The following MYO3A variants were observed in gnomAD, a reference collection of about 807,000 sequenced individuals.
The protein encoded by MYO3A is myosin IIIA, also known as myosin-IIIa.
In MYO3A, 180 loss-of-function variants were observed where a neutral mutation model predicts 192.7. The ratio of observed to expected loss-of-function variants is 0.93; its 90% CI spans 0.83 to 1.06. The LOEUF (loss-of-function observed/expected upper bound fraction) is 1.06. Ranked by LOEUF, MYO3A falls within the 50% of genes least tolerant of loss-of-function variation. The pLI, the probability that MYO3A is intolerant of heterozygous loss-of-function variation, is 0.00. For missense variants in MYO3A, 1,896 were observed against 1,905.0 expected (o/e 1.00, Z 0.09); for synonymous variants, 628 against 645.3 (o/e 0.97, Z 0.41).
At chr10:26,200,044 G>A (rs1231312576) in intron 32 of MYO3A, among the ~76,000 whole-genome samples, 2 of 152,172 alleles carry the variant, frequency 1.3e-5, no homozygotes, top group African/African-American at 2.4e-5. Flanking sequence ...CTTAGCCTAG[G>A]GCATTGGATC....
At chr10:26,198,425 G>A (rs144087064) in intron 32 of MYO3A, among the ~76,000 whole-genome samples, 12 of 152,282 alleles carry the variant, frequency 7.9e-5, no homozygotes, top group African/African-American at 1.2e-4. Context: ...TCAAAAAAAC[G>A]AGTAATCGAA....
At chr10:26,200,554 A>G (rs1005269260) in intron 32 of MYO3A, among the ~76,000 whole-genome samples, 4 of 152,258 alleles carry the variant, frequency 2.6e-5, no homozygotes, top group African/African-American at 9.6e-5. Flanking sequence ...GCTACAGTGC[A>G]AAAGATAATA....
intron 17 of MYO3A, among the ~76,000 whole-genome samples, chr10:26,100,972 ATCTG>A (rs1318878603): frequency 6.6e-6 from 1 of 152,174 alleles, no homozygotes; most frequent in African/African-American, 2.4e-5. Flanking sequence ...TGTCTCATTG[ATCTG>A]TCTAATATTG....
intron 14 of MYO3A, among the ~76,000 whole-genome samples, chr10:26,073,400 A>G (rs904099058): frequency 6.6e-6 from 1 of 152,048 alleles, no homozygotes; most frequent in Non-Finnish European, 1.5e-5. Context: ...AAACTCCGTC[A>G]GTACTAAAAA....
chr10:25,936,983 G>T (rs1193532856), intron 2 of MYO3A, among the ~76,000 whole-genome samples: 2 of 138,148 alleles, frequency 1.4e-5, no homozygotes, highest in Non-Finnish European at 3.2e-5. Flanking sequence ...ATCATGTCTT[G>T]ATAAAAAATG....
chr10:26,040,100 T>G (rs1363197025), intron 10 of MYO3A, among the ~76,000 whole-genome samples: 3 of 152,050 alleles, frequency 2.0e-5, no homozygotes, highest in Non-Finnish European at 4.4e-5. Context: ...TTTCAAGAAT[T>G]TTTTCAATTT....
chr10:26,125,298 A>G (rs1839150787), intron 18 of MYO3A, 100 bp from the exon 19 acceptor site: 1 of 1,015,198 alleles, frequency 9.9e-7, no homozygotes, highest in East Asian at 2.6e-5. Flanking sequence ...CACACATTTA[A>G]TTCATGTCAT....
chr10:26,023,077 T>G (rs1842388334), intron 8 of MYO3A: 1 of 152,138 alleles, frequency 6.6e-6, no homozygotes, highest in African/African-American at 2.4e-5. Context: ...AAAACAACAT[T>G]TCTGGAGAAA....
chr10:26,191,890 G>A (rs1843150233), intron 31 of MYO3A, among the ~76,000 whole-genome samples: 1 of 152,078 alleles, frequency 6.6e-6, no homozygotes, highest in South Asian at 2.1e-4. Flanking sequence ...TGGGGATTAG[G>A]AATCATCACT....
intron 17 of MYO3A, among the ~76,000 whole-genome samples, chr10:26,114,833 C>T (rs1354018260): frequency 6.6e-6 from 1 of 152,120 alleles, no homozygotes; most frequent in Admixed American, 6.5e-5. Flanking sequence ...AAGAAATATA[C>T]ACTAGGCATC....
In MYO3A at chr10:26,174,229, G is replaced by A. The variant is rs1842198815; in HGVS notation, c.3965G>A (p.Gly1322Asp). The change falls in exon 30 of 35, where the codon GGC becomes GAC. Residue 1322 changes from glycine (G) to aspartate (D), a missense_variant. Gly to Asp is a moderately conservative substitution (Grantham distance 94). Coordinates refer to ENST00000642920, the MANE Select transcript of MYO3A (RefSeq NM_017433.5). The stretch of plus-strand genomic sequence containing the variant: ...GCACCGATATGCAGCCAGGAGGAAG[G>A]CAGAGGCCGTCTGAGGCATGAGACA... Reference protein sequence around the residue: ...QRAPICSQEEGRGRLRHETVK... With the variant: ...QRAPICSQEEDRGRLRHETVK... 1 of 1,613,940 alleles carries A rather than the reference G, an allele frequency of 6.2e-7. No individual in the cohort carries two copies. The highest frequency in any genetic ancestry group is 8.5e-7 in the Non-Finnish European group (1 of 1,179,940).
At chr10:25,993,322 G>T (rs1840180007) in intron 4 of MYO3A, among the ~76,000 whole-genome samples, 1 of 152,114 alleles carries the variant, frequency 6.6e-6, no homozygotes, top group Non-Finnish European at 1.5e-5. Flanking sequence ...ATTCTCTGAT[G>T]GTAGTTTGTA....
chr10:26,017,839 T>C (rs1842065993), intron 7 of MYO3A, among the ~76,000 whole-genome samples: 2 of 151,454 alleles, frequency 1.3e-5, no homozygotes, highest in Non-Finnish European at 2.9e-5. Flanking sequence ...AAAAATTGAA[T>C]AGGAGAATCT....
At chr10:25,956,726 G>A (rs1837568188) in intron 4 of MYO3A, among the ~76,000 whole-genome samples, 1 of 151,680 alleles carries the variant, frequency 6.6e-6, no homozygotes, top group African/African-American at 2.4e-5. Context: ...ATTTTTGTAT[G>A]TTTTTTTCTT....
At chr10:25,945,379 A>G (rs1836768991) in intron 2 of MYO3A, among the ~76,000 whole-genome samples, 1 of 151,998 alleles carries the variant, frequency 6.6e-6, no homozygotes, top group Admixed American at 6.5e-5. Context: ...TGTCTGTTAG[A>G]TCCAATTGGT....
At chr10:26,060,878 A>G (rs1486080268) in intron 10 of MYO3A, among the ~76,000 whole-genome samples, 1 of 152,202 alleles carries the variant, frequency 6.6e-6, no homozygotes, top group Non-Finnish European at 1.5e-5. Flanking sequence ...AAACATGGGT[A>G]TTGAATTAAG....
In MYO3A at chr10:26,038,537, C is replaced by T. The variant is rs988541855; in HGVS notation, c.953+12005C>T. Among the ~76,000 whole-genome samples the T allele has an allele frequency of 4.4e-4, 67 of 152,180 alleles. 2 individuals carry two copies. The highest frequency in any genetic ancestry group is 1.9e-4 in the East Asian group (1 of 5,180). On this transcript the variant is annotated intron_variant, in intron 10 of 34. Coordinates refer to ENST00000642920, the MANE Select transcript of MYO3A (RefSeq NM_017433.5). ...TATAGAAATGCTACTGATTTTTGTA[C>T]GCTGATTTTGCACTCTTTACTGATT...
chr10:26,188,327 T>G (rs543556775), intron 31 of MYO3A, among the ~76,000 whole-genome samples: 3 of 152,320 alleles, frequency 2.0e-5, no homozygotes, highest in South Asian at 2.1e-4. Context: ...TCGCCCACTT[T>G]TTGATGGGGT....
chr10:26,046,567 G>A (rs1219982705), intron 10 of MYO3A, among the ~76,000 whole-genome samples: 1 of 152,158 alleles, frequency 6.6e-6, no homozygotes, highest in Non-Finnish European at 1.5e-5. Context: ...TGGATCAGGA[G>A]CCTGAGAAAA....
Sources: allele counts gnomAD v4.1 joint callset (sites outside exome capture counted in the v4.1 genomes callset), GRCh38; gene constraint gnomAD v4.1.1; transcripts MANE v1.5; gene names NCBI Gene and HGNC (gene_info 2026-07-23, HGNC 2026-07-21).